The following WRAP73 variants were observed in gnomAD, a reference collection of about 807,000 sequenced individuals.
WRAP73 encodes WD repeat containing, antisense to TP73.
A neutral mutation model predicts 59.6 loss-of-function variants in WRAP73; 55 were observed. The ratio of observed to expected loss-of-function variants is 0.92; its 90% CI spans 0.74 to 1.15. WRAP73 has a LOEUF of 1.15. Among genes scored for constraint, WRAP73 ranks in the 50% most tolerant of loss-of-function variants. The pLI is 0.00. For synonymous variants in WRAP73, 265 were observed against 258.2 expected (o/e 1.03, Z -0.25); for missense variants, 592 against 608.1 (o/e 0.97, Z 0.28).
intron 8 of WRAP73, chr1:3,633,762 G>A (rs971838710): frequency 5.8e-4 from 255 of 439,306 alleles, no homozygotes; most frequent in Non-Finnish European, 1.4e-4. Context: ...GATTACAGAC[G>A]GGAGACCACT....
chr1:3,646,809 C>A lies in WRAP73; in HGVS notation c.223-27G>T, dbSNP rs1484613582. 1.3e-6 allele frequency: 2 copies of A among 1,588,850 alleles called. No individual in the cohort carries two copies. The highest frequency in any genetic ancestry group is 2.7e-5 in the African/African-American group (2 of 73,976). On this transcript the variant is annotated intron_variant, in intron 2 of 11. Coordinates refer to ENST00000270708, the MANE Select transcript of WRAP73 (RefSeq NM_017818.4). The surrounding 1 kb of genome is among the most constrained non-coding windows in gnomAD (Gnocchi z 5.1). ...TGGATTGAGAGAAGAAAGAAACACACAAGTGCAAACTCATCAGCACCGAGA... is the reference window on the plus strand; with the variant it reads ...TGGATTGAGAGAAGAAAGAAACACAAAAGTGCAAACTCATCAGCACCGAGA...
At chr1:3,647,347 C>T in intron 2 of WRAP73, 61 bp downstream of exon 2, 2 of 1,509,828 alleles carry the variant, frequency 1.3e-6, no homozygotes, top group Non-Finnish European at 8.9e-7. Context: ...CAGAACAAAA[C>T]CCCTCCTTCC....
intron 4 of WRAP73, 36 bp downstream of exon 4, chr1:3,638,714 A>G (rs1644610865): frequency 6.2e-7 from 1 of 1,612,862 alleles, no homozygotes; most frequent in Admixed American, 1.7e-5. Flanking sequence ...AAACAGCTGC[A>G]AAGAAATGGC....
chr1:3,631,974 A>G (rs1015930123), intron 10 of WRAP73: 11 of 1,416,248 alleles, frequency 7.8e-6, no homozygotes, highest in Admixed American at 3.1e-5. Flanking sequence ...TCTACTCAGC[A>G]GAGTGGAGCA....
rs771930837 is a variant in WRAP73, at chr1:3,635,143, C to T, written c.738+17G>A. On this transcript the variant is annotated intron_variant, in intron 7 of 11. Coordinates refer to ENST00000270708, the MANE Select transcript of WRAP73 (RefSeq NM_017818.4). ...CTGGGCGGTCGGACTTCCTGAGTGCCCTGCACTGGTTCCCACCTTTCCATC... is the reference window on the plus strand; with the variant it reads ...CTGGGCGGTCGGACTTCCTGAGTGCTCTGCACTGGTTCCCACCTTTCCATC... The T allele has an allele frequency of 3.7e-5, 59 of 1,613,988 alleles. No individual in the cohort carries two copies. Among genetic ancestry groups the T allele is most frequent in the Non-Finnish European group, 4.5e-5 (53 of 1,180,046 alleles).
chr1:3,634,574 CCT>C (rs1248389668), intron 8 of WRAP73: 1 of 214,058 alleles, frequency 4.7e-6, no homozygotes, highest in African/African-American at 2.3e-5. Flanking sequence ...CAGCCCCTTC[CCT>C]GTCTCTCCAG....
chr1:3,648,469 AC>A (rs1644711576), intron 1 of WRAP73, among the ~76,000 whole-genome samples: 1 of 152,238 alleles, frequency 6.6e-6, no homozygotes, highest in African/African-American at 2.4e-5. Flanking sequence ...ACAAGGAGCT[AC>A]CACAGCACTT....
In WRAP73 at chr1:3,639,883, G is replaced by C. The variant is rs1644622414; in HGVS notation, c.340-1061C>G. ...CCTCGCTGAGGATGAGGCCCGGGGT[G>C]GGGGACCGTCTCCAGCAGCGTAAGT... is the stretch of plus-strand genomic sequence containing the variant. On this transcript the variant is annotated intron_variant, in intron 3 of 11. Transcript: ENST00000270708. The surrounding 1 kb of genome is among the most constrained non-coding windows in gnomAD (Gnocchi z 4.3). Among the ~76,000 whole-genome samples the C allele has an allele frequency of 6.6e-6, 1 of 152,162 alleles. No individual in the cohort carries two copies.
chr1:3,633,131 C>G (rs145669803), intron 9 of WRAP73: 40 of 421,908 alleles, frequency 9.5e-5, no homozygotes, highest in Non-Finnish European at 1.6e-4. Flanking sequence ...CTCGGAGCTC[C>G]GGAAAAACAT....
rs372633017 is a variant in WRAP73 at position 3,638,777 on chromosome 1, T to C, written c.385A>G (p.Ile129Val). The C allele has an allele frequency of 1.4e-5, 23 of 1,614,186 alleles. No homozygotes were observed. The highest frequency in any genetic ancestry group is 5.0e-5 in the Admixed American group (3 of 60,016). Residue 129 changes from isoleucine (I) to valine (V), a missense_variant, in exon 4 of 12, where the codon ATC (isoleucine) becomes GTC (valine). Transcript: ENST00000270708. ...WSLCTKSVSY[I>V]KYPKACLQGI... is the part of the protein sequence containing the mutation. Reference sequence around the variant, plus strand: ...TGCAGACAAGCTTTCGGGTATTTGATGTAAGACACGGATTTTGTGCACAAG... The same window carrying C: ...TGCAGACAAGCTTTCGGGTATTTGACGTAAGACACGGATTTTGTGCACAAG...
In WRAP73 at chr1:3,635,963, A is replaced by G. The variant is rs1644585305; in HGVS notation, c.584T>C (p.Val195Ala). Residue 195 changes from valine to alanine, a missense_variant, in exon 6 of 12, where the codon GTG becomes GCG. Coordinates refer to ENST00000270708, the MANE Select transcript of WRAP73 (RefSeq NM_017818.4). ...EWAPNGCVLAVWDTCLEYKIL... is the reference protein window; with the variant it reads ...EWAPNGCVLAAWDTCLEYKIL... ...TCATACCTCCAAGCAGGTGTCCCAC[A>G]CTGCCAGCACACAGCCGTTTGGGGC... 1 of 1,613,888 alleles carries G rather than the reference A, an allele frequency of 6.2e-7. No homozygotes were observed. The highest frequency in any genetic ancestry group is 1.7e-5 in the Admixed American group (1 of 59,996).
intron 8 of WRAP73, 196 bp from the exon 9 acceptor site, chr1:3,633,699 G>A: frequency 1.8e-6 from 1 of 558,332 alleles, no homozygotes; most frequent in Non-Finnish European, 3.2e-6. Flanking sequence ...CCTCTCTCGT[G>A]TCCTGCTGAG....
In WRAP73 at chr1:3,636,048, G is replaced by A. The variant is rs1450871720; in HGVS notation, c.517-18C>T. The A allele has an allele frequency of 3.1e-6, 5 of 1,593,858 alleles. No individual in the cohort carries two copies. Among genetic ancestry groups the A allele is most frequent in the Non-Finnish European group, 4.3e-6 (5 of 1,163,690 alleles). Reference sequence around the variant, plus strand: ...TCAAAATGCTTCCAAAGGAAGGGGGGGAAACATTAAATTTGGAAAATATTT... The same window carrying A: ...TCAAAATGCTTCCAAAGGAAGGGGGAGAAACATTAAATTTGGAAAATATTT... On this transcript the variant is annotated intron_variant, in intron 5 of 11. Coordinates refer to ENST00000270708, the MANE Select transcript of WRAP73 (RefSeq NM_017818.4).
intron 6 of WRAP73, 72 bp downstream of exon 6, chr1:3,635,872 G>T: frequency 7.9e-7 from 1 of 1,266,290 alleles, no homozygotes; most frequent in Non-Finnish European, 1.1e-6. Flanking sequence ...AAACTATATT[G>T]CAGCATTCAG....
Position 3,630,786 on chromosome 1 carries a change from G to A in WRAP73, c.*189C>T, listed in dbSNP as rs1334798621. On this transcript the variant is annotated 3_prime_UTR_variant, in exon 12 of 12. Transcript: ENST00000270708. ...GAGAAGTAGTTGTATAAATCAGCAA[G>A]TATTTATTTTAAATAATAAAACTAC... 1.1e-5 allele frequency: 8 copies of A among 718,192 alleles called. No individual in the cohort carries two copies. The highest frequency in any genetic ancestry group is 2.2e-5 in the South Asian group (1 of 45,824). The allele number at this position is 718,192 out of a possible 1,614,324, so 44.5% of individuals were successfully genotyped here.
rs1374242029 is a variant in WRAP73, at chr1:3,630,997, C to G, written c.1361G>C (p.Arg454Thr). 6.2e-7 allele frequency: 1 copy of G among 1,613,004 alleles called. No individual in the cohort carries two copies. Among genetic ancestry groups the G allele is most frequent in the Non-Finnish European group, 8.5e-7 (1 of 1,179,970 alleles). Residue 454 changes from arginine to threonine, a missense_variant, in exon 12 of 12, where the codon AGA becomes ACA. By Grantham distance (71) the Arg-to-Thr change is moderately conservative (BLOSUM62 -1). Transcript: ENST00000270708. ...CTGCTACGTGTGGCCGCCCAGCTGTCTGCAGGCTGTGCCGACCACTGCCTC... is the reference window on the plus strand; with the variant it reads ...CTGCTACGTGTGGCCGCCCAGCTGTGTGCAGGCTGTGCCGACCACTGCCTC... Reference protein sequence around the residue: ...ETEAVVGTACRQLGGHT With the variant: ...ETEAVVGTACTQLGGHT
chr1:3,635,990 C>T lies in WRAP73; in HGVS notation c.557G>A (p.Trp186Ter). The T allele has an allele frequency of 6.2e-7, 1 of 1,614,030 alleles. No individual in the cohort carries two copies. The highest frequency in any genetic ancestry group is 8.5e-7 in the Non-Finnish European group (1 of 1,180,036). Residue 186 changes from tryptophan to a stop codon, truncating the protein, a stop_gained, in exon 6 of 12, where the codon TGG (tryptophan) becomes TAG (stop). Coordinates refer to ENST00000270708, the MANE Select transcript of WRAP73 (RefSeq NM_017818.4). LOFTEE classifies it high-confidence loss of function. Reference sequence around the variant, plus strand: ...TGCCAGCACACAGCCGTTTGGGGCCCACTCAATCCCTGTGAGATCCTGGGT... The same window carrying T: ...TGCCAGCACACAGCCGTTTGGGGCCTACTCAATCCCTGTGAGATCCTGGGT... ...TDTQDLTGIE[W>*]APNGCVLAVW...
At position 3,646,780 on chromosome 1, in the gene WRAP73, G is replaced by T; in HGVS notation, c.225C>A (p.Val75=). Residue 75 remains valine (V), a splice_region_variant and synonymous_variant, in exon 3 of 12, where the codon GTC becomes GTA. Coordinates refer to ENST00000270708, the MANE Select transcript of WRAP73 (RefSeq NM_017818.4). This position sits in a 1 kb window ranked among gnomAD's most constrained non-coding sequence, Gnocchi z 5.1. ...GCCATTCGGGCTGCTCTAAAGACCA[G>T]ACCTGGATTGAGAGAAGAAAGAAAC... ...CAMYKRGLVQ[V]WSLEQPEWHC... is the part of the protein sequence containing the mutation. The T allele has an allele frequency of 1.2e-6, 2 of 1,610,498 alleles. No individual in the cohort carries two copies. The highest frequency in any genetic ancestry group is 1.7e-6 in the Non-Finnish European group (2 of 1,178,668).
chr1:3,636,251 G>C (rs187782564), intron 5 of WRAP73: 5 of 563,258 alleles, frequency 8.9e-6, no homozygotes, highest in Non-Finnish European at 1.6e-5. Flanking sequence ...CCCCAAGGGC[G>C]GCTTGGTCTC....
Sources: gnomAD v4.1 joint callset for allele counts (sites outside exome capture counted in the v4.1 genomes callset) on GRCh38, gnomAD v4.1.1 for gene constraint, Gnocchi (gnomAD v3.1) non-coding constraint, MANE v1.5 for transcripts, NCBI Gene and HGNC (gene_info 2026-07-23, HGNC 2026-07-21) for gene names.